Variants in KANSL2 observed in about 807,000 individuals in gnomAD.
KANSL2 encodes KAT8 regulatory NSL complex subunit 2.
In KANSL2, 34 loss-of-function variants were observed where a neutral mutation model predicts 55.6. The ratio of observed to expected loss-of-function variants is 0.61; its 90% CI spans 0.46 to 0.81. The LOEUF is 0.81. Among genes scored for constraint, KANSL2 ranks in the 40% least tolerant of loss-of-function variants. KANSL2 has a pLI of 0.00. For missense variants in KANSL2, 502 were observed against 609.9 expected, an observed-to-expected ratio of 0.82 and a Z score of 1.86; for synonymous variants, 209 against 214.3, an observed-to-expected ratio of 0.98 and a Z score of 0.22.
rs199688241 is a variant in KANSL2, at chr12:48,671,884, A to C, written c.624T>G (p.Ile208Met). 6.2e-7 allele frequency: 1 copy of C among 1,612,976 alleles called. No homozygotes were observed. Among genetic ancestry groups the C allele is most frequent in the South Asian group, 1.1e-5 (1 of 90,990 alleles). The change falls in exon 5 of 10, where the codon ATT becomes ATG. Residue 208 changes from isoleucine (I) to methionine (M), a missense_variant. Ile to Met is a conservative substitution (Grantham distance 10, BLOSUM62 1). Coordinates refer to ENST00000420613, the MANE Select transcript of KANSL2 (RefSeq NM_017822.4). ...EKLIRLQSLYIDQFKRLQHLL... is the reference protein window; with the variant it reads ...EKLIRLQSLYMDQFKRLQHLL... ...GATGCTGAAGTCGTTTAAACTGATC[A>C]ATATACAACGACTGCAAACGAATTA...
intron 8 of KANSL2, among the ~76,000 whole-genome samples, chr12:48,657,982 G>C (rs938774244): frequency 5.3e-5 from 8 of 152,086 alleles, no homozygotes; most frequent in African/African-American, 1.2e-4. Flanking sequence ...TGTAATCCTA[G>C]CACTTTGGGA....
intron 8 of KANSL2, 33 bp from the exon 9 acceptor site, chr12:48,655,093 C>G (rs1452691738): frequency 6.5e-7 from 1 of 1,549,736 alleles, no homozygotes; most frequent in Admixed American, 2.0e-5. Context: ...TCAGCAATAC[C>G]AAGGGAAACA....
At position 48,671,778 on chromosome 12, in the gene KANSL2, T is replaced by C. The variant is rs748036430; in HGVS notation, c.709+21A>G. 24 of 1,596,222 alleles carry C rather than the reference T, an allele frequency of 1.5e-5. No homozygotes were observed. In the Admixed American group the frequency reaches 1.8e-4, roughly 12 times the overall value. Reference sequence around the variant, plus strand: ...ACATGTTAAACCCACAACAGCTTGTTGGAACTGGCATAAAACTTGCCTAGA... The same window carrying C: ...ACATGTTAAACCCACAACAGCTTGTCGGAACTGGCATAAAACTTGCCTAGA... On this transcript the variant is annotated intron_variant, in intron 5 of 9. Transcript: ENST00000420613.
chr12:48,664,933 G>A (rs1939566255), intron 7 of KANSL2, among the ~76,000 whole-genome samples: 1 of 129,062 alleles, frequency 7.7e-6, no homozygotes, highest in African/African-American at 3.0e-5. Flanking sequence ...GTCACCCAAA[G>A]TAGAATGCAG....
At chr12:48,659,030 A>G (rs1179737312) in intron 8 of KANSL2, among the ~76,000 whole-genome samples, 3 of 152,180 alleles carry the variant, frequency 2.0e-5, no homozygotes, top group African/African-American at 7.2e-5. Context: ...ATGGTGAATC[A>G]TGCCTATAAT....
At chr12:48,659,587 C>T (rs1939451372) in intron 8 of KANSL2, among the ~76,000 whole-genome samples, 1 of 151,936 alleles carries the variant, frequency 6.6e-6, no homozygotes, top group East Asian at 1.9e-4. Flanking sequence ...CATGCCACTG[C>T]ACTCCAGCCT....
chr12:48,668,313 C>G (rs1939640393), intron 6 of KANSL2, among the ~76,000 whole-genome samples: 1 of 152,150 alleles, frequency 6.6e-6, no homozygotes, highest in African/African-American at 2.4e-5. Context: ...AAACTTTTCC[C>G]AACTACTCAA....
rs1214849839 is a variant in KANSL2 at position 48,679,768 on chromosome 12, G to A, written c.317C>T (p.Thr106Ile). ...TGTTTCACCCACAGGCCCTGGGTTG[G>A]TCTTCTTCATTTGAGCATGAAGTGC... ...ALALHAQMKK[T>I]NPGPVGETLL... The change falls in exon 3 of 10, where the codon ACC becomes ATC. Residue 106 changes from threonine to isoleucine, a missense_variant. By Grantham distance (89) the Thr-to-Ile change is moderately conservative (BLOSUM62 -1). Transcript: ENST00000420613. 2 of 1,609,458 alleles carry A rather than the reference G, an allele frequency of 1.2e-6. No individual in the cohort carries two copies.
intron 2 of KANSL2, among the ~76,000 whole-genome samples, chr12:48,680,701 G>A (rs912511332): frequency 3.3e-5 from 5 of 152,116 alleles, no homozygotes; most frequent in African/African-American, 1.2e-4. Flanking sequence ...TAGGGGCCAG[G>A]TGCGGTGGCT....
chr12:48,659,512 A>G (rs1939450334), intron 8 of KANSL2, among the ~76,000 whole-genome samples: 1 of 152,102 alleles, frequency 6.6e-6, no homozygotes, highest in African/African-American at 2.4e-5. Context: ...AGTCCCAGCT[A>G]CTTGGGAGGC....
rs755022621 is a variant in KANSL2, at chr12:48,671,911, C to T, written c.597G>A (p.Lys199=). ...AEEVALIMRE[K]LIRLQSLYID... ...TATACAACGACTGCAAACGAATTAG[C>T]TTTTCACGCATAATCAGGGCCACTT... The change falls in exon 5 of 10, where the codon AAG becomes AAA. Residue 199 remains lysine (K), a synonymous_variant. Coordinates refer to ENST00000420613, the MANE Select transcript of KANSL2 (RefSeq NM_017822.4). 4.2e-5 allele frequency: 67 copies of T among 1,611,006 alleles called. No individual in the cohort carries two copies. Among genetic ancestry groups the T allele is most frequent in the Non-Finnish European group, 5.6e-5 (66 of 1,177,704 alleles).
At chr12:48,655,812 A>C (rs528180108) in intron 8 of KANSL2, among the ~76,000 whole-genome samples, 1 of 151,748 alleles carries the variant, frequency 6.6e-6, no homozygotes, top group South Asian at 2.1e-4. Flanking sequence ...TATGATAACA[A>C]CACCTTGGGA....
In KANSL2 at chr12:48,675,208, C is replaced by A. The variant is rs1237691127; in HGVS notation, c.546-3246G>T. 2.7e-5 allele frequency among the ~76,000 whole-genome samples: 4 copies of A among 150,442 alleles called. No homozygotes were observed. In the East Asian group the frequency reaches 5.9e-4, roughly 22 times the overall value. On this transcript the variant is annotated intron_variant, in intron 4 of 9. Coordinates refer to ENST00000420613, the MANE Select transcript of KANSL2 (RefSeq NM_017822.4). ...CTCTGGAGTTTGAGACCAGCCTGGGCAACATGGTGAAACCCCATCTCTACT... is the reference window on the plus strand; with the variant it reads ...CTCTGGAGTTTGAGACCAGCCTGGGAAACATGGTGAAACCCCATCTCTACT...
chr12:48,671,798 C>T lies in KANSL2; in HGVS notation c.709+1G>A. On this transcript the variant is annotated splice_donor_variant, in intron 5 of 9. Transcript: ENST00000420613. LOFTEE classifies it high-confidence loss of function. ...CTTGTTGGAACTGGCATAAAACTTG[C>T]CTAGAGCTTCATGTTCCACTTTGCG... 1 of 1,607,614 alleles carries T rather than the reference C, an allele frequency of 6.2e-7. No individual in the cohort carries two copies. The highest frequency in any genetic ancestry group is 8.5e-7 in the Non-Finnish European group (1 of 1,177,076).
At chr12:48,670,353 C>T (rs1939688091) in intron 5 of KANSL2, among the ~76,000 whole-genome samples, 2 of 151,984 alleles carry the variant, frequency 1.3e-5, no homozygotes, top group African/African-American at 4.8e-5. Flanking sequence ...TGTAAAACAG[C>T]CTCAGGCAGT....
rs1215521375 is a variant in KANSL2, at chr12:48,655,075, A to G, written c.1228-15T>C. On this transcript the variant is annotated splice_polypyrimidine_tract_variant and intron_variant, in intron 8 of 9. Coordinates refer to ENST00000420613, the MANE Select transcript of KANSL2 (RefSeq NM_017822.4). ...ACATCCAAGTCCTAGAAAAAAGAGA[A>G]AAGCCCATCAGCAATACCAAGGGAA... 3 of 1,559,772 alleles carry G rather than the reference A, an allele frequency of 1.9e-6. No homozygotes were observed. Among genetic ancestry groups the G allele is most frequent in the Non-Finnish European group, 2.6e-6 (3 of 1,151,944 alleles).
intron 7 of KANSL2, chr12:48,661,246 AAAGG>A (rs1346570770): frequency 2.1e-6 from 2 of 970,854 alleles, no homozygotes; most frequent in Non-Finnish European, 2.4e-6. Context: ...TTATGATCCT[AAAGG>A]AAGAAGAAAA....
At chr12:48,655,120 G>C in intron 8 of KANSL2, 60 bp from the exon 9 acceptor site, 1 of 1,512,442 alleles carries the variant, frequency 6.6e-7, no homozygotes, top group Non-Finnish European at 8.9e-7. Context: ...AAGTTGGCAT[G>C]TTTTTCAGCA....
intron 1 of KANSL2, 21 bp from the exon 2 acceptor site, chr12:48,681,662 C>T (rs1280945685): frequency 6.2e-7 from 1 of 1,613,654 alleles, no homozygotes; most frequent in Non-Finnish European, 8.5e-7. Context: ...AAACGAAAGA[C>T]CAAAAAGCCC....
Sources: gnomAD v4.1 joint callset for allele counts (sites outside exome capture counted in the v4.1 genomes callset) on GRCh38, gnomAD v4.1.1 for gene constraint, MANE v1.5 for transcripts, NCBI Gene and HGNC (gene_info 2026-07-23, HGNC 2026-07-21) for gene names.